Variants in MYO16 observed in about 807,000 individuals in gnomAD.
MYO16 encodes myosin XVI.
A neutral mutation model predicts 205.3 loss-of-function variants in MYO16; 94 were observed. The observed-to-expected ratio is 0.46, with a 90% CI of 0.39 to 0.54. The LOEUF is 0.54. Ranked by LOEUF, MYO16 falls within the 20% of genes least tolerant of loss-of-function variation. The probability of loss-of-function intolerance (pLI) is 0.00; values close to 1 mark genes in which losing one functional copy is unlikely to be tolerated. For missense variants in MYO16, 2,315 were observed against 2,387.5 expected (o/e 0.97, Z 0.63); for synonymous variants, 988 against 954.0 (o/e 1.04, Z -0.66).
chr13:108,856,871 A>G (rs1261885743), intron 11 of MYO16, among the ~76,000 whole-genome samples: 1 of 152,164 alleles, frequency 6.6e-6, no homozygotes, highest in Non-Finnish European at 1.5e-5. Flanking sequence ...CTCACAATGA[A>G]CTAGAGTAAG....
chr13:109,152,209 T>C (rs981174259), intron 32 of MYO16, among the ~76,000 whole-genome samples: 1 of 152,322 alleles, frequency 6.6e-6, no homozygotes, highest in Middle Eastern at 3.4e-3. Flanking sequence ...AAAGTCCCCT[T>C]AGATTTTTAA....
intron 7 of MYO16, among the ~76,000 whole-genome samples, chr13:108,819,512 A>T (rs1299178294): frequency 6.6e-6 from 1 of 152,180 alleles, no homozygotes; most frequent in Non-Finnish European, 1.5e-5. Context: ...TCTGGGAAAT[A>T]GAGAGAAACA....
At chr13:109,018,853 T>A (rs773204753) in intron 22 of MYO16, among the ~76,000 whole-genome samples, 20 of 152,170 alleles carry the variant, frequency 1.3e-4, no homozygotes, top group Admixed American at 3.9e-4. Context: ...TCCAGTGAGA[T>A]GAACCAGCTA....
chr13:108,677,640 T>C (rs1011806087), intron 2 of MYO16, among the ~76,000 whole-genome samples: 1 of 152,012 alleles, frequency 6.6e-6, no homozygotes, highest in Non-Finnish European at 1.5e-5. Context: ...CCTGATTTTG[T>C]AGTGTCACTT....
At chr13:108,656,625 T>C (rs916919515) in intron 1 of MYO16, among the ~76,000 whole-genome samples, 1 of 152,192 alleles carries the variant, frequency 6.6e-6, no homozygotes, top group African/African-American at 2.4e-5. Flanking sequence ...TAAATAAATA[T>C]ACATTCTTAC....
chr13:108,821,122 T>C (rs1594319827), intron 8 of MYO16, among the ~76,000 whole-genome samples: 1 of 152,182 alleles, frequency 6.6e-6, no homozygotes, highest in East Asian at 1.9e-4. Context: ...CATCAAAATA[T>C]TGAAGACAGT....
the MYO16 span, among the ~76,000 whole-genome samples, chr13:108,559,432 C>T: frequency 6.6e-6 from 1 of 151,660 alleles, no homozygotes; most frequent in Non-Finnish European, 1.5e-5. Context: ...TTTTAAGCGA[C>T]CCAGTTTGTG....
At position 109,141,276 on chromosome 13, in the gene MYO16, G is replaced by A. The variant is rs116208048; in HGVS notation, c.5064G>A (p.Arg1688=). 2,829 of 1,600,908 alleles carry A rather than the reference G, an allele frequency of 1.8e-3. 40 individuals carry two copies. The African/African-American group carries it at 0.034, about 19-fold the overall frequency. The change falls in exon 32 of 35, where the codon AGG becomes AGA. Residue 1688 remains arginine, a synonymous_variant. Transcript: ENST00000457511. This position sits in a 1 kb window ranked among gnomAD's most constrained non-coding sequence, Gnocchi z 4.1. The part of the protein sequence containing the change: ...PPAPYSPPSS[R]PLSSPLDELA... ...CGCCCTACAGCCCTCCCAGCTCCAG[G>A]CCTCTCAGCAGCCCCCTGGACGAGC...
rs68025820 is a variant in MYO16, at chr13:108,869,731, TA to T, written c.1425+3518del. Among the ~76,000 whole-genome samples the T allele has an allele frequency of 5.0e-3, 334 of 66,998 alleles. 6 individuals are homozygous for T. Among genetic ancestry groups the T allele is most frequent in the African/African-American group, 0.02 (286 of 14,374 alleles). The allele number at this position is 66,998 out of a possible 152,430, so 44.0% of individuals were successfully genotyped here. A position where few individuals can be genotyped will look rare whatever the true frequency, so the allele number is the denominator to read the frequency against. On this transcript the variant is annotated intron_variant, in intron 12 of 34. Transcript: ENST00000457511. The stretch of plus-strand genomic sequence containing the variant: ...GGGCGACAGAGCGAGACTCCGTTTC[TA>T]AAAAAAAAAAAAAAAAAAAAAAAAA...
At chr13:108,735,268 C>T (rs1037847991) in intron 4 of MYO16, among the ~76,000 whole-genome samples, 1 of 148,912 alleles carries the variant, frequency 6.7e-6, no homozygotes, top group African/African-American at 2.5e-5. Context: ...CTCCCGCCCC[C>T]ACCCCACAAC....
chr13:108,914,871 G>A (rs1202094886), intron 16 of MYO16, among the ~76,000 whole-genome samples: 1 of 152,144 alleles, frequency 6.6e-6, no homozygotes, highest in African/African-American at 2.4e-5. Context: ...TTGAACTCCT[G>A]ACCTCAAGTG....
intron 1 of MYO16, among the ~76,000 whole-genome samples, chr13:108,648,056 G>T (rs1011232117): frequency 6.6e-6 from 1 of 152,152 alleles, no homozygotes; most frequent in African/African-American, 2.4e-5. Context: ...GAAGAATACT[G>T]ATTAAAGTCT....
intron 23 of MYO16, among the ~76,000 whole-genome samples, chr13:109,039,777 C>T (rs1010735023): frequency 2.0e-5 from 3 of 152,032 alleles, no homozygotes; most frequent in Non-Finnish European, 2.9e-5. Context: ...ATCTAAGCTC[C>T]CATCTCAGGA....
intron 32 of MYO16, among the ~76,000 whole-genome samples, chr13:109,152,567 T>A (rs908249390): frequency 5.9e-5 from 9 of 152,188 alleles, no homozygotes; most frequent in Non-Finnish European, 1.2e-4. Context: ...AGATGTGGGA[T>A]CATAAAAACG....
chr13:108,921,496 T>C (rs1373762315), intron 16 of MYO16, among the ~76,000 whole-genome samples: 1 of 152,236 alleles, frequency 6.6e-6, no homozygotes, highest in Non-Finnish European at 1.5e-5. Context: ...GGACATATAG[T>C]ATACATGTGG....
chr13:108,595,919 AG>A (rs1183801481), upstream of MYO16, among the ~76,000 whole-genome samples: 2 of 137,038 alleles, frequency 1.5e-5, no homozygotes, highest in Non-Finnish European at 3.1e-5. Flanking sequence ...GAGCAGGCTA[AG>A]GCTTCCCTTT....
chr13:108,730,227 A>G (rs946121049), intron 4 of MYO16, among the ~76,000 whole-genome samples: 62 of 151,982 alleles, frequency 4.1e-4, no homozygotes, highest in African/African-American at 1.5e-3. Context: ...ATGAGATCCT[A>G]TGGTTTCATA....
intron 18 of MYO16, among the ~76,000 whole-genome samples, chr13:108,962,201 C>T (rs554086930): frequency 1.1e-4 from 16 of 152,246 alleles, no homozygotes; most frequent in African/African-American, 2.6e-4. Flanking sequence ...GAAAAACATC[C>T]GCTGTGATTT....
chr13:108,969,324 C>G (rs1486046988), intron 20 of MYO16, among the ~76,000 whole-genome samples: 1 of 152,150 alleles, frequency 6.6e-6, no homozygotes, highest in Non-Finnish European at 1.5e-5. Flanking sequence ...AATTGTTTAG[C>G]CTCTGCATCT....
Sources: allele counts gnomAD v4.1 joint callset (sites outside exome capture counted in the v4.1 genomes callset), GRCh38; gene constraint gnomAD v4.1.1; non-coding constraint Gnocchi (gnomAD v3.1); transcripts MANE v1.5; gene names NCBI Gene and HGNC (gene_info 2026-07-23, HGNC 2026-07-21).